The following GADL1 variants were observed in gnomAD, a reference collection of about 807,000 sequenced individuals.
GADL1 encodes the protein acidic amino acid decarboxylase GADL1.
GADL1 carries 71 observed loss-of-function variants against 69.5 expected under a neutral mutation model. The observed-to-expected ratio is 1.02, with a 90% CI of 0.84 to 1.25. The LOEUF (loss-of-function observed/expected upper bound fraction) is 1.25, where lower values mean the gene tolerates loss of function less well. Among genes scored for constraint, GADL1 ranks in the 50% most tolerant of loss-of-function variants. The probability of loss-of-function intolerance (pLI) is 0.00; values close to 1 mark genes in which losing one functional copy is unlikely to be tolerated. For synonymous variants in GADL1, 254 were observed against 214.4 expected (o/e 1.18, Z -1.62); for missense variants, 737 against 631.8 (o/e 1.17, Z -1.79).
At position 30,876,429 on chromosome 3, in the gene GADL1, A is replaced by T. The variant is rs758211076; in HGVS notation, c.38-14664T>A. On this transcript the variant is annotated intron_variant, in intron 1 of 14. Coordinates refer to ENST00000282538, the MANE Select transcript of GADL1 (RefSeq NM_207359.3). ...CTATTTCTATGGTGTAAAGACGCCG[A>T]TCATGGCTAATTTCAGGGCCAATTT... Among the ~76,000 whole-genome samples, 5 of 152,010 alleles carry T rather than the reference A, an allele frequency of 3.3e-5. No individual in the cohort carries two copies. In the East Asian group the frequency reaches 9.7e-4, roughly 29 times the overall value.
intron 11 of GADL1, among the ~76,000 whole-genome samples, chr3:30,826,776 A>G (rs1456033667): frequency 6.6e-6 from 1 of 151,650 alleles, no homozygotes; most frequent in Non-Finnish European, 1.5e-5. Context: ...AGACAGCATC[A>G]TTAGATACTA....
At chr3:30,842,578 G>A (rs534775206) in intron 8 of GADL1, among the ~76,000 whole-genome samples, 38 of 152,014 alleles carry the variant, frequency 2.5e-4, no homozygotes, top group African/African-American at 8.4e-4. Context: ...GGAGAAATGA[G>A]GGAGGGAAGA....
intron 1 of GADL1, among the ~76,000 whole-genome samples, chr3:30,877,099 G>A (rs1049010259): frequency 6.6e-6 from 1 of 151,910 alleles, no homozygotes; most frequent in African/African-American, 2.4e-5. Context: ...ACCCTAGAAG[G>A]CAAGTATACC....
intron 1 of GADL1, among the ~76,000 whole-genome samples, chr3:30,891,919 T>A (rs78375461): frequency 1.3e-5 from 2 of 152,104 alleles, no homozygotes; most frequent in Non-Finnish European, 2.9e-5. Context: ...TATTACAACA[T>A]GCCAGTCTTA....
At position 30,850,057 on chromosome 3, in the gene GADL1, G is replaced by A; in HGVS notation, c.590C>T (p.Pro197Leu). The A allele has an allele frequency of 6.2e-7, 1 of 1,611,862 alleles. No individual in the cohort carries two copies. The highest frequency in any genetic ancestry group is 8.5e-7 in the Non-Finnish European group (1 of 1,178,424). Residue 197 changes from proline (P) to leucine (L), a missense_variant, in exon 6 of 15, where the codon CCT becomes CTT. Coordinates refer to ENST00000282538, the MANE Select transcript of GADL1 (RefSeq NM_207359.3). The part of the protein sequence containing the change: ...AMNLARYKYC[P>L]DIKEKGLSGS... Reference sequence around the variant, plus strand: ...AGACAGCCCCTTTTCCTTAATATCAGGACAATATTTGTATCTAGCTAAATT... The same window carrying A: ...AGACAGCCCCTTTTCCTTAATATCAAGACAATATTTGTATCTAGCTAAATT...
In GADL1 at chr3:30,893,107, C is replaced by T. The variant is rs1230081046; in HGVS notation, c.37+1471G>A. On this transcript the variant is annotated intron_variant, in intron 1 of 14. Coordinates refer to ENST00000282538, the MANE Select transcript of GADL1 (RefSeq NM_207359.3). Reference sequence around the variant, plus strand: ...CTGACCTCAAGCGATCTGCCCACCTCGGCCTCCCAAAGTGCTGGGATTATA... The same window carrying T: ...CTGACCTCAAGCGATCTGCCCACCTTGGCCTCCCAAAGTGCTGGGATTATA... Among the ~76,000 whole-genome samples the T allele has an allele frequency of 3.9e-5, 6 of 152,190 alleles. No homozygotes were observed. The East Asian group carries it at 1.2e-3, about 29-fold the overall frequency.
intron 1 of GADL1, among the ~76,000 whole-genome samples, chr3:30,893,028 G>T (rs1698804633): frequency 6.6e-6 from 1 of 152,010 alleles, no homozygotes; most frequent in South Asian, 2.1e-4. Context: ...CTAATTTTTT[G>T]TATTTTTAGT....
chr3:30,728,512 C>G, intron 14 of GADL1, 97 bp from the exon 15 acceptor site: 1 of 913,170 alleles, frequency 1.1e-6, no homozygotes, highest in Non-Finnish European at 1.7e-6. Context: ...TGGGCATCCA[C>G]TGGTTTGGAT....
intron 1 of GADL1, among the ~76,000 whole-genome samples, chr3:30,862,318 A>C (rs1335241038): frequency 1.3e-5 from 2 of 151,978 alleles, no homozygotes; most frequent in African/African-American, 4.8e-5. Flanking sequence ...GCATTTGGAG[A>C]AAAGGATGAG....
intron 11 of GADL1, among the ~76,000 whole-genome samples, chr3:30,806,475 T>G (rs1273484531): frequency 3.9e-5 from 6 of 152,306 alleles, no homozygotes; most frequent in African/African-American, 1.4e-4. Flanking sequence ...CCATCTGATA[T>G]TGGCTTTCTT....
intron 6 of GADL1, among the ~76,000 whole-genome samples, chr3:30,849,567 G>T (rs1698113620): frequency 6.6e-6 from 1 of 151,716 alleles, no homozygotes; most frequent in African/African-American, 2.4e-5. Context: ...TGTTTTCATT[G>T]TTACTGTATA....
rs2125532141 is a variant in GADL1, at chr3:30,850,910, A to T, written c.460T>A (p.Leu154Ile). Residue 154 changes from leucine (L) to isoleucine (I), a missense_variant, in exon 5 of 15, where the codon TTA becomes ATA. Transcript: ENST00000282538. ...TTCTTCAGAACCGCTTCTTCCACTA[A>T]CAGAAACACTGGGGACACCTCATAC... ...YTYEVSPVFL[L>I]VEEAVLKKMI... 1.3e-6 allele frequency: 2 copies of T among 1,549,266 alleles called. 1 individual carries two copies.
chr3:30,819,124 C>T (rs1697525422), intron 11 of GADL1, among the ~76,000 whole-genome samples: 1 of 151,922 alleles, frequency 6.6e-6, no homozygotes, highest in Non-Finnish European at 1.5e-5. Context: ...TGAGTTTCAC[C>T]TAGAATTCGA....
intron 1 of GADL1, among the ~76,000 whole-genome samples, chr3:30,892,623 A>C (rs899601828): frequency 6.6e-6 from 1 of 152,122 alleles, no homozygotes; most frequent in African/African-American, 2.4e-5. Context: ...TAATCTAAGA[A>C]AAGTAGATAC....
intron 13 of GADL1, among the ~76,000 whole-genome samples, chr3:30,785,661 A>C (rs1376994598): frequency 1.3e-5 from 2 of 152,120 alleles, no homozygotes; most frequent in Non-Finnish European, 2.9e-5. Context: ...GGCGTGAGCC[A>C]CTGTGCCTAG....
chr3:30,818,837 T>TG (rs1182110629), intron 11 of GADL1, among the ~76,000 whole-genome samples: 2 of 152,166 alleles, frequency 1.3e-5, no homozygotes, highest in Non-Finnish European at 2.9e-5. Context: ...CATCCCAAGA[T>TG]GGTCTTCCCA....
chr3:30,807,585 G>A (rs1559505457), intron 11 of GADL1, among the ~76,000 whole-genome samples: 2 of 152,314 alleles, frequency 1.3e-5, no homozygotes, highest in African/African-American at 2.4e-5. Flanking sequence ...ATGACCCAGG[G>A]TAGGGATGCT....
chr3:30,836,293 G>A (rs1328116803), intron 9 of GADL1, among the ~76,000 whole-genome samples: 1 of 151,610 alleles, frequency 6.6e-6, no homozygotes, highest in Admixed American at 6.6e-5. Context: ...CTAGTGAACT[G>A]GATTTAAGTT....
At chr3:30,768,576 G>A (rs1351837576) in intron 14 of GADL1, among the ~76,000 whole-genome samples, 1 of 148,932 alleles carries the variant, frequency 6.7e-6, no homozygotes. Context: ...TGGGGAGGGG[G>A]AGGAGAGGCG....
Sources: gnomAD v4.1 joint callset for allele counts (sites outside exome capture counted in the v4.1 genomes callset) on GRCh38, gnomAD v4.1.1 for gene constraint, MANE v1.5 for transcripts, NCBI Gene and HGNC (gene_info 2026-07-23, HGNC 2026-07-21) for gene names.